The following AUTS2 variants were observed in gnomAD, a reference collection of about 807,000 sequenced individuals.
The protein encoded by AUTS2 is autism susceptibility gene 2 protein.
AUTS2 carries 17 observed loss-of-function variants against 112.4 expected under a neutral mutation model. The observed-to-expected ratio is 0.15, with a 90% CI of 0.10 to 0.23. AUTS2 has a LOEUF of 0.23. Ranked by LOEUF, AUTS2 falls within the 10% of genes least tolerant of loss-of-function variation. The pLI is 1.00. For synonymous variants in AUTS2, 751 were observed against 702.7 expected (o/e 1.07, Z -1.09); for missense variants, 1,510 against 1,701.6 (o/e 0.89, Z 1.98).
intron 1 of AUTS2, among the ~76,000 whole-genome samples, chr7:69,821,638 C>T (rs984385820): frequency 6.6e-6 from 1 of 152,044 alleles, no homozygotes; most frequent in Non-Finnish European, 1.5e-5. Context: ...TCTGCAGCTT[C>T]ATTGCTGAAG....
intron 4 of AUTS2, among the ~76,000 whole-genome samples, chr7:70,420,074 G>A: frequency 6.6e-6 from 1 of 152,134 alleles, no homozygotes; most frequent in East Asian, 1.9e-4. Context: ...TAAGTGAGCG[G>A]CTTTCTACAC....
chr7:70,603,809 T>C (rs533757315), intron 5 of AUTS2, among the ~76,000 whole-genome samples: 3 of 152,206 alleles, frequency 2.0e-5, no homozygotes, highest in Non-Finnish European at 4.4e-5. Flanking sequence ...TGAAGAAATA[T>C]GCATTTCGTG....
At chr7:70,261,683 T>C (rs1319107123) in intron 4 of AUTS2, among the ~76,000 whole-genome samples, 1 of 152,210 alleles carries the variant, frequency 6.6e-6, no homozygotes, top group Non-Finnish European at 1.5e-5. Flanking sequence ...CTCAAGTTAA[T>C]TGACTTAATA....
chr7:70,255,074 C>CTTT (rs3078929), intron 4 of AUTS2, among the ~76,000 whole-genome samples: 23,342 of 129,344 alleles, frequency 0.18, 2,288 homozygotes, highest in East Asian at 0.24. Context: ...TCAAAATTAC[C>CTTT]TTTTTTTTTT....
At chr7:70,621,094 A>G (rs1432864946) in intron 5 of AUTS2, among the ~76,000 whole-genome samples, 1 of 152,208 alleles carries the variant, frequency 6.6e-6, no homozygotes, top group Non-Finnish European at 1.5e-5. Flanking sequence ...TAATTTGGAA[A>G]AACAAGGGAA....
chr7:70,116,941 T>G (rs989096284), intron 2 of AUTS2, among the ~76,000 whole-genome samples: 7 of 152,134 alleles, frequency 4.6e-5, no homozygotes, highest in African/African-American at 1.7e-4. Flanking sequence ...TCTGAAAATG[T>G]GTTTGGTGAT....
At chr7:70,250,135 T>A (rs12698882) in intron 4 of AUTS2, among the ~76,000 whole-genome samples, 33,028 of 151,766 alleles carry the variant, frequency 0.22, 3,573 homozygotes, top group Middle Eastern at 0.32. Flanking sequence ...CTGTGAATCT[T>A]CATAATGGCT....
At chr7:70,489,300 T>C (rs1326485175) in intron 5 of AUTS2, among the ~76,000 whole-genome samples, 1 of 152,220 alleles carries the variant, frequency 6.6e-6, no homozygotes, top group African/African-American at 2.4e-5. Context: ...AATGGAAGCA[T>C]ATTATTTAAT....
At chr7:70,776,396 G>A (rs143493609) in intron 13 of AUTS2, among the ~76,000 whole-genome samples, 13 of 152,276 alleles carry the variant, frequency 8.5e-5, no homozygotes, top group African/African-American at 2.9e-4. Context: ...AAATAATTGG[G>A]GAGATGTGGA....
intron 2 of AUTS2, among the ~76,000 whole-genome samples, chr7:69,910,567 C>A (rs577860237): frequency 6.6e-6 from 1 of 152,198 alleles, no homozygotes; most frequent in South Asian, 2.1e-4. Context: ...TCACATCTTA[C>A]GTGGATGGTG....
At chr7:70,170,651 C>A (rs1401856006) in intron 4 of AUTS2, among the ~76,000 whole-genome samples, 1 of 141,182 alleles carries the variant, frequency 7.1e-6, no homozygotes. Context: ...GGCTGGAGTG[C>A]GGTGGTGCGA....
intron 5 of AUTS2, among the ~76,000 whole-genome samples, chr7:70,452,139 T>G (rs986281688): frequency 2.6e-5 from 4 of 152,180 alleles, no homozygotes; most frequent in Admixed American, 6.5e-5. Context: ...TGTTGTTGTT[T>G]TTCCTTTTAA....
chr7:70,501,616 G>C (rs1489576877), intron 5 of AUTS2, among the ~76,000 whole-genome samples: 1 of 152,044 alleles, frequency 6.6e-6, no homozygotes, highest in Non-Finnish European at 1.5e-5. Context: ...CGTTGGGTAG[G>C]GGTGGTGGTG....
chr7:70,544,448 TG>T (rs1178192468), intron 5 of AUTS2, among the ~76,000 whole-genome samples: 4 of 152,084 alleles, frequency 2.6e-5, no homozygotes, highest in African/African-American at 9.7e-5. Context: ...GGCCGAGAAA[TG>T]ATACACAGGA....
intron 5 of AUTS2, among the ~76,000 whole-genome samples, chr7:70,591,139 ACCCACCCCACCTGTC>A (rs142138613): frequency 0.13 from 19,742 of 151,816 alleles, 1,592 homozygotes; most frequent in Non-Finnish European, 0.18. Context: ...GGCTGCTGAT[ACCCACCCCACCTGTC>A]CCCACCCCAC....
intron 4 of AUTS2, among the ~76,000 whole-genome samples, chr7:70,187,573 TC>T (rs1360048454): frequency 6.6e-6 from 1 of 152,132 alleles, no homozygotes; most frequent in Non-Finnish European, 1.5e-5. Context: ...AAGCAGTAAT[TC>T]CGCCTCAGTT....
chr7:70,365,107 G>A (rs943247437), intron 4 of AUTS2, among the ~76,000 whole-genome samples: 1 of 152,084 alleles, frequency 6.6e-6, no homozygotes, highest in Non-Finnish European at 1.5e-5. Context: ...AATTCTTTCT[G>A]CTCTAAGACA....
At chr7:70,144,219 A>G (rs1018825055) in intron 4 of AUTS2, among the ~76,000 whole-genome samples, 5 of 152,128 alleles carry the variant, frequency 3.3e-5, no homozygotes, top group Admixed American at 2.6e-4. Context: ...AAATAGACTC[A>G]ACTTTGCCAA....
At chr7:69,633,630 A>C (rs756099813) in intron 1 of AUTS2, among the ~76,000 whole-genome samples, 1 of 152,140 alleles carries the variant, frequency 6.6e-6, no homozygotes, top group African/African-American at 2.4e-5. Context: ...TTTTGATGTA[A>C]GAGCTGTCCT....
Sources: allele counts gnomAD v4.1 joint callset (sites outside exome capture counted in the v4.1 genomes callset), GRCh38; gene constraint gnomAD v4.1.1; transcripts MANE v1.5; gene names NCBI Gene and HGNC (gene_info 2026-07-23, HGNC 2026-07-21).